ZNF512B: variants seen among roughly 807,000 people sequenced by gnomAD.
ZNF512B encodes the protein zinc finger protein 512B.
A neutral mutation model predicts 87.8 loss-of-function variants in ZNF512B; 22 were observed. The observed-to-expected ratio is 0.25, with a 90% CI of 0.18 to 0.36. The LOEUF (loss-of-function observed/expected upper bound fraction) is 0.36, where lower values mean the gene tolerates loss of function less well. ZNF512B is among the 10% of genes least tolerant of loss of function. ZNF512B has a pLI of 1.00. For missense variants in ZNF512B, 1,060 were observed against 1,231.6 expected, an observed-to-expected ratio of 0.86 and a Z score of 2.09; for synonymous variants, 524 against 490.9, an observed-to-expected ratio of 1.07 and a Z score of -0.89.
At position 63,960,041 on chromosome 20, in the gene ZNF512B, C is replaced by T. The variant is rs1169702490; in HGVS notation, c.2526G>A (p.Lys842=). The change falls in exon 17 of 17, where the codon AAG becomes AAA. Residue 842 remains lysine (K), a synonymous_variant. Coordinates refer to ENST00000369888, the MANE Select transcript of ZNF512B (RefSeq NM_020713.3). ...KEKKKNLAGG[K]KRGRKPKERT... ...GCTCCTTGGGCTTTCGGCCCCGCTTCTTTCCACCTGCCAGATTTTTCTTCT... is the reference window on the plus strand; with the variant it reads ...GCTCCTTGGGCTTTCGGCCCCGCTTTTTTCCACCTGCCAGATTTTTCTTCT... The T allele has an allele frequency of 6.2e-7, 1 of 1,613,978 alleles. No homozygotes were observed. The highest frequency in any genetic ancestry group is 8.5e-7 in the Non-Finnish European group (1 of 1,180,026).
intron 8 of ZNF512B, 78 bp downstream of exon 8, chr20:63,963,993 C>T: frequency 1.3e-6 from 2 of 1,595,582 alleles, no homozygotes; most frequent in Non-Finnish European, 1.7e-6. Context: ...CCAGTCTCCA[C>T]ACTCAGCCCC....
Position 63,966,222 on chromosome 20 carries a change from G to A in ZNF512B, c.953C>T (p.Thr318Ile), listed in dbSNP as rs776970513. 3 of 1,614,022 alleles carry A rather than the reference G, an allele frequency of 1.9e-6. No individual in the cohort carries two copies. The highest frequency in any genetic ancestry group is 1.6e-4 in the Middle Eastern group (1 of 6,062). ...CAGCAGCACCATTTTGCAGGGCGGTGTGTGTCTGCTGATAGCAATGGGCCT... is the reference window on the plus strand; with the variant it reads ...CAGCAGCACCATTTTGCAGGGCGGTATGTGTCTGCTGATAGCAATGGGCCT... ...VSRPIAISRH[T>I]PPCKMVLLTR... The change falls in exon 5 of 17, where the codon ACA becomes ATA. Residue 318 changes from threonine to isoleucine, a missense_variant. Physicochemically the swap from Thr to Ile is moderately conservative, Grantham distance 89. This residue lies in a region of ZNF512B where 201 missense variants were observed against 226.8 expected (regional missense o/e 0.89). Transcript: ENST00000369888.
intron 11 of ZNF512B, 27 bp downstream of exon 11, chr20:63,963,315 C>A: frequency 6.5e-7 from 1 of 1,537,682 alleles, no homozygotes; most frequent in Non-Finnish European, 8.7e-7. Flanking sequence ...GCCCCCCCAC[C>A]CCACACTGCC....
In ZNF512B at chr20:63,957,104, G is replaced by A. The variant is rs2058738592; in HGVS notation, c.*2784C>T. The A allele has an allele frequency of 1.3e-5, 2 of 152,482 alleles. No individual in the cohort carries two copies. Among genetic ancestry groups the A allele is most frequent in the Non-Finnish European group, 2.9e-5 (2 of 68,050 alleles). 9.4% of individuals were successfully genotyped at this position (152,482 alleles called of 1,614,324 possible). A position where few individuals can be genotyped will look rare whatever the true frequency, so the allele number is the denominator to read the frequency against. ...GCGGCACACGGGGACGGCCCCTCCC[G>A]GGGTCAGGCTCACTGGCTCCTTCCC... On this transcript the variant is annotated 3_prime_UTR_variant, in exon 17 of 17. Transcript: ENST00000369888.
intron 14 of ZNF512B, 129 bp downstream of exon 14, chr20:63,962,144 C>T: frequency 7.8e-7 from 1 of 1,284,708 alleles, no homozygotes; most frequent in Middle Eastern, 2.5e-4. Flanking sequence ...GCAGGCTGGG[C>T]ATGTGAGGCC....
At chr20:63,964,794 A>T in intron 5 of ZNF512B, 78 bp from the exon 6 acceptor site, 1 of 1,570,330 alleles carries the variant, frequency 6.4e-7, no homozygotes, top group South Asian at 1.2e-5. Context: ...GCCGAGGAGC[A>T]CCCTGACCTG....
At chr20:63,960,365 A>C (rs1304759222) in intron 16 of ZNF512B, among the ~76,000 whole-genome samples, 1 of 146,964 alleles carries the variant, frequency 6.8e-6, no homozygotes, top group African/African-American at 2.5e-5. Flanking sequence ...CTTCGGGACC[A>C]GGCAAGCACC....
chr20:63,964,882 C>CTCCCTGTGG (rs1569197939), intron 5 of ZNF512B, among the ~76,000 whole-genome samples, 166 bp from the exon 6 acceptor site: 221 of 73,838 alleles, frequency 3.0e-3, no homozygotes, highest in African/African-American at 4.2e-3. Context: ...ACCACTGTTC[C>CTCCCTGTGG]CTGACCTGGG....
intron 3 of ZNF512B, 146 bp downstream of exon 3, chr20:63,967,235 C>T (rs1003179732): frequency 1.5e-6 from 2 of 1,354,376 alleles, no homozygotes; most frequent in Non-Finnish European, 2.0e-6. Context: ...AGATACAAAG[C>T]CAGGCCACGT....
Position 63,961,956 on chromosome 20 carries a change from C to T in ZNF512B, c.2314G>A (p.Ala772Thr), listed in dbSNP as rs559453079. 9 of 1,551,040 alleles carry T rather than the reference C, an allele frequency of 5.8e-6. No homozygotes were observed. Among genetic ancestry groups the T allele is most frequent in the East Asian group, 4.9e-5 (2 of 40,926 alleles). The change falls in exon 15 of 17, where the codon GCC (alanine) becomes ACC (threonine). Residue 772 changes from alanine to threonine, a missense_variant. By Grantham distance (58) the Ala-to-Thr change is moderately conservative. Coordinates refer to ENST00000369888, the MANE Select transcript of ZNF512B (RefSeq NM_020713.3). This position sits in a 1 kb window ranked among gnomAD's most constrained non-coding sequence, Gnocchi z 6.4. ...SSVSGLKAHL[A>T]SCSKGAHLAG... Reference sequence around the variant, plus strand: ...CCAGAACTGACCTTACTGCAGCTGGCGAGATGAGCCTTGAGTCCGGACACG... The same window carrying T: ...CCAGAACTGACCTTACTGCAGCTGGTGAGATGAGCCTTGAGTCCGGACACG...
At position 63,962,009 on chromosome 20, in the gene ZNF512B, A is replaced by C. The variant is rs1172823529; in HGVS notation, c.2266-5T>G. On this transcript the variant is annotated splice_polypyrimidine_tract_variant and splice_region_variant and intron_variant, in intron 14 of 16. Coordinates refer to ENST00000369888, the MANE Select transcript of ZNF512B (RefSeq NM_020713.3). ...GGAGTAGATGGCTTCACAGCACTGC[A>C]GGGAAGGGAGCCGTGGGCGAAGGCC... 15 of 1,550,904 alleles carry C rather than the reference A, an allele frequency of 9.7e-6. No homozygotes were observed. Among genetic ancestry groups the C allele is most frequent in the Admixed American group, 2.0e-5 (1 of 51,002 alleles).
At position 63,963,727 on chromosome 20, in the gene ZNF512B, T is replaced by C. The variant is rs767589517; in HGVS notation, c.1606-17A>G. Reference sequence around the variant, plus strand: ...ATCCTGAAGCTGCAGATGGCCCACATGTGAGAAGCCTGCCTGGGGCCAGGG... The same window carrying C: ...ATCCTGAAGCTGCAGATGGCCCACACGTGAGAAGCCTGCCTGGGGCCAGGG... On this transcript the variant is annotated splice_polypyrimidine_tract_variant and intron_variant, in intron 9 of 16. Coordinates refer to ENST00000369888, the MANE Select transcript of ZNF512B (RefSeq NM_020713.3). 2.2e-5 allele frequency: 36 copies of C among 1,613,194 alleles called. No homozygotes were observed. Among genetic ancestry groups the C allele is most frequent in the Non-Finnish European group, 2.9e-5 (34 of 1,179,998 alleles).
At position 63,963,324 on chromosome 20, in the gene ZNF512B, C is replaced by A. The variant is rs1261964131; in HGVS notation, c.1797+18G>T. ...AGCAGGGCCCCCCCACCCCACACTGCCGCGGCCCCCCACTGACCTCCTGGG... is the reference window on the plus strand; with the variant it reads ...AGCAGGGCCCCCCCACCCCACACTGACGCGGCCCCCCACTGACCTCCTGGG... On this transcript the variant is annotated intron_variant, in intron 11 of 16. Transcript: ENST00000369888. 6.5e-7 allele frequency: 1 copy of A among 1,538,072 alleles called. No individual in the cohort carries two copies. Among genetic ancestry groups the A allele is most frequent in the South Asian group, 1.2e-5 (1 of 83,960 alleles).
At position 63,963,236 on chromosome 20, in the gene ZNF512B, CATGAGGCTGGAGAAGGCAGCCCCGCA is replaced by C; in HGVS notation, c.1801_1826del (p.Cys601GlyfsTer50). On this transcript the variant is annotated frameshift_variant, in exon 12 of 17. Coordinates refer to ENST00000369888, the MANE Select transcript of ZNF512B (RefSeq NM_020713.3). LOFTEE classifies it high-confidence loss of function. ...AGCGCCGCTGGTGGTACTGGTAGCCCATGAGGCTGGAGAAGGCAGCCCCGCAACCCTGGGGGTCAGGCCAGAGGGTG... is the reference window on the plus strand; with the variant it reads ...AGCGCCGCTGGTGGTACTGGTAGCCCACCCTGGGGGTCAGGCCAGAGGGTG... The C allele has an allele frequency of 6.5e-7, 1 of 1,548,136 alleles. No individual in the cohort carries two copies. Among genetic ancestry groups the C allele is most frequent in the Non-Finnish European group, 8.7e-7 (1 of 1,150,344 alleles).
intron 4 of ZNF512B, 45 bp from the exon 5 acceptor site, chr20:63,966,826 T>G (rs745693233): frequency 6.2e-7 from 1 of 1,609,732 alleles, no homozygotes; most frequent in Non-Finnish European, 8.5e-7. Flanking sequence ...CAAGGGCCTC[T>G]GCCCAAACAC....
intron 12 of ZNF512B, 26 bp downstream of exon 12, chr20:63,963,069 G>T: frequency 1.3e-6 from 2 of 1,528,582 alleles, no homozygotes; most frequent in Non-Finnish European, 1.8e-6. Context: ...AACAAGCACT[G>T]TGCCACAGAA....
intron 8 of ZNF512B, 77 bp from the exon 9 acceptor site, chr20:63,963,990 C>T (rs2058890176): frequency 6.3e-7 from 1 of 1,595,874 alleles, no homozygotes; most frequent in African/African-American, 1.3e-5. Context: ...AATCCAGTCT[C>T]CACACTCAGC....
rs1217130115 is a variant in ZNF512B, at chr20:63,959,649, G to A, written c.*239C>T. The A allele has an allele frequency of 1.8e-6, 1 of 549,528 alleles. No homozygotes were observed. The highest frequency in any genetic ancestry group is 3.1e-6 in the Non-Finnish European group (1 of 323,138). The allele number at this position is 549,528 out of a possible 1,614,324, so 34.0% of individuals were successfully genotyped here. ...TCCCATGAGGAGGGGCAACCCTCCT[G>A]GCTATTGCACTTCTGCTGGGCACAC... is the stretch of plus-strand genomic sequence containing the variant. On this transcript the variant is annotated 3_prime_UTR_variant, in exon 17 of 17. Transcript: ENST00000369888.
At chr20:63,967,338 G>A (rs2058938680) in intron 3 of ZNF512B, 43 bp downstream of exon 3, 1 of 1,547,906 alleles carries the variant, frequency 6.5e-7, no homozygotes. Context: ...GCTGGATAGG[G>A]AGACCCCAGC....
Sources: allele counts gnomAD v4.1 joint callset (sites outside exome capture counted in the v4.1 genomes callset), GRCh38; gene constraint gnomAD v4.1.1; regional missense constraint gnomAD v4.1.1; non-coding constraint Gnocchi (gnomAD v3.1); transcripts MANE v1.5; gene names NCBI Gene and HGNC (gene_info 2026-07-23, HGNC 2026-07-21).